The following SGO2 variants were observed in gnomAD, a reference collection of about 807,000 sequenced individuals.
SGO2 encodes shugoshin 2, also known as shugoshin-like 2.
In SGO2, 68 loss-of-function variants were observed where a neutral mutation model predicts 99.5. The observed-to-expected ratio is 0.68, with a 90% CI of 0.56 to 0.84. The LOEUF is 0.84. Ranked by LOEUF, SGO2 falls within the 40% of genes least tolerant of loss-of-function variation. The pLI is 0.00. For missense variants in SGO2, 1,350 were observed against 1,436.7 expected (o/e 0.94, Z 0.97); for synonymous variants, 457 against 487.1 (o/e 0.94, Z 0.81).
chr2:200,543,365 C>T (rs914070000), intron 5 of SGO2: 2 of 152,184 alleles, frequency 1.3e-5, no homozygotes, highest in Non-Finnish European at 2.9e-5. Flanking sequence ...GCACAATTCT[C>T]ATTTTTTATT....
chr2:200,535,101 T>C lies in SGO2; in HGVS notation c.239T>C (p.Met80Thr), dbSNP rs751955380. The C allele has an allele frequency of 5.1e-6, 8 of 1,559,286 alleles. No individual in the cohort carries two copies. The South Asian group carries it at 7.4e-5, about 14-fold the overall frequency. Residue 80 changes from methionine to threonine, a missense_variant, in exon 3 of 9, where the codon ATG becomes ACG. Physicochemically the swap from Met to Thr is moderately conservative, Grantham distance 81 (BLOSUM62 -1). Coordinates refer to ENST00000357799, the MANE Select transcript of SGO2 (RefSeq NM_152524.6). ...TCTCGAAGAATTACAACTGAAAAGA[T>C]GCTATTGCAAAAAGAAGTAGAGAAA... Reference protein sequence around the residue: ...ENSRRITTEKMLLQKEVEKLN... With the variant: ...ENSRRITTEKTLLQKEVEKLN...
At position 200,532,015 on chromosome 2, in the gene SGO2, T is replaced by C. The variant is rs562161096; in HGVS notation, c.-2-959T>C. 2.6e-5 allele frequency: 4 copies of C among 152,354 alleles called. No homozygotes were observed. In the East Asian group the frequency reaches 7.7e-4, roughly 29 times the overall value. 9.4% of individuals were successfully genotyped at this position (152,354 alleles called of 1,614,324 possible). The stretch of plus-strand genomic sequence containing the variant: ...AAAGGCCCTTTTTCCACATGAGGTT[T>C]AGAATTAAAGGGATCTAATAACTTT... On this transcript the variant is annotated intron_variant, in intron 1 of 8. Transcript: ENST00000357799.
At chr2:200,546,683 T>TA (rs1031835184) in intron 5 of SGO2, among the ~76,000 whole-genome samples, 6 of 151,722 alleles carry the variant, frequency 4.0e-5, no homozygotes, top group East Asian at 3.9e-4. Flanking sequence ...ATTAAAATAA[T>TA]AAAAAAAAGT....
At chr2:200,546,165 A>C (rs2032199546) in intron 5 of SGO2, among the ~76,000 whole-genome samples, 1 of 143,004 alleles carries the variant, frequency 7.0e-6, no homozygotes, top group Non-Finnish European at 1.5e-5. Flanking sequence ...GCAAACTAGC[A>C]GTATAGATTT....
intron 5 of SGO2, among the ~76,000 whole-genome samples, chr2:200,557,469 A>G (rs367571729): frequency 9.9e-5 from 15 of 152,104 alleles, no homozygotes; most frequent in Admixed American, 2.6e-4. Context: ...ATGGTTTGCC[A>G]AGAAGATGTT....
At chr2:200,541,257 GC>G (rs1477135827) in intron 4 of SGO2, among the ~76,000 whole-genome samples, 1 of 152,178 alleles carries the variant, frequency 6.6e-6, no homozygotes, top group Non-Finnish European at 1.5e-5. Context: ...CTAATCCAGA[GC>G]CATATCTCCC....
chr2:200,526,650 C>T lies in SGO2; in HGVS notation c.-3+398C>T, dbSNP rs985843043. ...TGCGTGCCAAAGTTCTCGAAGGAGC[C>T]CTCTCGTTTGGAGAGGCTGGCTGAA... On this transcript the variant is annotated intron_variant, in intron 1 of 8. Coordinates refer to ENST00000357799, the MANE Select transcript of SGO2 (RefSeq NM_152524.6). This position sits in a 1 kb window ranked among gnomAD's most constrained non-coding sequence, Gnocchi z 4.8. Among the ~76,000 whole-genome samples, 3 of 152,020 alleles carry T rather than the reference C, an allele frequency of 2.0e-5. No individual in the cohort carries two copies. The highest frequency in any genetic ancestry group is 4.4e-5 in the Non-Finnish European group (3 of 68,030).
rs2031498209 is a variant in SGO2 at position 200,533,106 on chromosome 2, T to G, written c.131T>G (p.Leu44Arg). ...SLASKIKTKILNNSSIFKISL... is the reference protein window; with the variant it reads ...SLASKIKTKIRNNSSIFKISL... ...GCTTCAAAAATAAAAACAAAAATAC[T>G]AAGTAAGTGCCATCAGTTTTAAAAT... Residue 44 changes from leucine (L) to arginine (R), a missense_variant and splice_region_variant, in exon 2 of 9, where the codon CTA (leucine) becomes CGA (arginine). Physicochemically the swap from Leu to Arg is moderately radical, Grantham distance 102 (BLOSUM62 -2). Transcript: ENST00000357799. The G allele has an allele frequency of 3.8e-6, 6 of 1,575,554 alleles. No homozygotes were observed. Among genetic ancestry groups the G allele is most frequent in the Non-Finnish European group, 5.1e-6 (6 of 1,167,230 alleles).
intron 5 of SGO2, among the ~76,000 whole-genome samples, chr2:200,561,672 C>T (rs2032978119): frequency 6.6e-6 from 1 of 152,340 alleles, no homozygotes. Context: ...TACAGTCCCA[C>T]CAACAGTGTA....
In SGO2 at chr2:200,526,493, C is replaced by T. The variant is rs1026029024; in HGVS notation, c.-3+241C>T. ...AGATTTGAGCGTCCGGCAGGGCGAGCGGGGAGAGCCACCAGTTAGGTCAGC... is the reference window on the plus strand; with the variant it reads ...AGATTTGAGCGTCCGGCAGGGCGAGTGGGGAGAGCCACCAGTTAGGTCAGC... On this transcript the variant is annotated intron_variant, in intron 1 of 8. Coordinates refer to ENST00000357799, the MANE Select transcript of SGO2 (RefSeq NM_152524.6). The surrounding 1 kb of genome is among the most constrained non-coding windows in gnomAD (Gnocchi z 4.8). Among the ~76,000 whole-genome samples the T allele has an allele frequency of 9.9e-5, 15 of 152,262 alleles. No homozygotes were observed. The highest frequency in any genetic ancestry group is 6.2e-4 in the South Asian group (3 of 4,822).
At chr2:200,576,839 A>G (rs967569276) in intron 8 of SGO2, among the ~76,000 whole-genome samples, 17 of 152,180 alleles carry the variant, frequency 1.1e-4, no homozygotes, top group African/African-American at 3.9e-4. Context: ...AGCATGTTTT[A>G]AAGTTTCTTT....
In SGO2 at chr2:200,532,961, T is replaced by A. The variant is rs1357673732; in HGVS notation, c.-2-13T>A. On this transcript the variant is annotated splice_polypyrimidine_tract_variant and intron_variant, in intron 1 of 8. Transcript: ENST00000357799. ...ATTAATCAATACTATGATTTTTTTT[T>A]CTTTCACTTCAGTGATGGAGTGCCC... 3 of 1,599,216 alleles carry A rather than the reference T, an allele frequency of 1.9e-6. No homozygotes were observed. Among genetic ancestry groups the A allele is most frequent in the Non-Finnish European group, 2.6e-6 (3 of 1,176,152 alleles).
At chr2:200,557,038 G>C (rs1359236644) in intron 5 of SGO2, among the ~76,000 whole-genome samples, 1 of 152,130 alleles carries the variant, frequency 6.6e-6, no homozygotes, top group African/African-American at 2.4e-5. Context: ...CCCCCTTTAG[G>C]GGAGGAAAAA....
chr2:200,546,281 A>G (rs1296574194), intron 5 of SGO2, among the ~76,000 whole-genome samples: 1 of 146,546 alleles, frequency 6.8e-6, no homozygotes, highest in Non-Finnish European at 1.5e-5. Context: ...TGAACCCAGA[A>G]GGCGGAGCTT....
rs1352805304 is a variant in SGO2 at position 200,526,512 on chromosome 2, G to A, written c.-3+260G>A. On this transcript the variant is annotated intron_variant, in intron 1 of 8. Transcript: ENST00000357799. This position sits in a 1 kb window ranked among gnomAD's most constrained non-coding sequence, Gnocchi z 4.8. The stretch of plus-strand genomic sequence containing the variant: ...GGCGAGCGGGGAGAGCCACCAGTTA[G>A]GTCAGCTACTTAAGGGAAGATATTT... 1.3e-5 allele frequency among the ~76,000 whole-genome samples: 2 copies of A among 152,170 alleles called. No homozygotes were observed. The highest frequency in any genetic ancestry group is 2.1e-4 in the South Asian group (1 of 4,824).
intron 5 of SGO2, among the ~76,000 whole-genome samples, chr2:200,561,502 A>AGCAAATAAACATAC (rs1429821736): frequency 6.6e-6 from 1 of 152,228 alleles, no homozygotes; most frequent in Non-Finnish European, 1.5e-5. Flanking sequence ...TATTGTGAAT[A>AGCAAATAAACATAC]GTGCTGCAAT....
Position 200,572,114 on chromosome 2 carries a change from T to C in SGO2, c.1768T>C (p.Leu590=), listed in dbSNP as rs534876392. The C allele has an allele frequency of 3.1e-6, 5 of 1,613,016 alleles. No individual in the cohort carries two copies. In the East Asian group the frequency reaches 6.7e-5, roughly 22 times the overall value. The change falls in exon 7 of 9, where the codon TTG becomes CTG. Residue 590 remains leucine, a synonymous_variant. Coordinates refer to ENST00000357799, the MANE Select transcript of SGO2 (RefSeq NM_152524.6). The part of the protein sequence containing the change: ...NLCDYGTHNI[L]DLKKYVTDIQ... ...ATGTGATTATGGGACCCACAATATA[T>C]TGGATTTGAAAAAGTATGTCACTGA...
rs781393738 is a variant in SGO2 at position 200,572,000 on chromosome 2, CA to C, written c.1658del (p.Lys553ArgfsTer4). The C allele has an allele frequency of 1.9e-6, 3 of 1,611,072 alleles. No homozygotes were observed. Among genetic ancestry groups the C allele is most frequent in the Non-Finnish European group, 2.5e-6 (3 of 1,179,096 alleles). ...KLEKDNLLPNQKDKVTIYENL... is the reference protein window; with the variant it reads ...KLEKDNLLPNXKDKVTIYENL... The stretch of plus-strand genomic sequence containing the variant: ...AGAAAAAGATAACTTACTCCCAAAC[CA>C]AAAGGATAAAGTAACCATTTATGAA... On this transcript the variant is annotated frameshift_variant, in exon 7 of 9. Coordinates refer to ENST00000357799, the MANE Select transcript of SGO2 (RefSeq NM_152524.6). LOFTEE classifies it high-confidence loss of function.
intron 5 of SGO2, among the ~76,000 whole-genome samples, chr2:200,555,636 A>C (rs143838288): frequency 6.6e-6 from 1 of 152,168 alleles, no homozygotes; most frequent in Non-Finnish European, 1.5e-5. Context: ...CCAGGTGGCC[A>C]AGAGCATGCT....
Sources: allele counts gnomAD v4.1 joint callset (sites outside exome capture counted in the v4.1 genomes callset), GRCh38; gene constraint gnomAD v4.1.1; non-coding constraint Gnocchi (gnomAD v3.1); transcripts MANE v1.5; gene names NCBI Gene and HGNC (gene_info 2026-07-23, HGNC 2026-07-21).